Variants in MRPS35 observed in about 807,000 individuals in gnomAD.
MRPS35 encodes small ribosomal subunit protein mS35.
MRPS35 carries 29 observed loss-of-function variants against 32.7 expected under a neutral mutation model. The ratio of observed to expected loss-of-function variants is 0.89; its 90% CI spans 0.66 to 1.21. The LOEUF (loss-of-function observed/expected upper bound fraction) is 1.21, where lower values mean the gene tolerates loss of function less well. MRPS35 is among the 50% of genes most tolerant of loss of function. The pLI is 0.00. For synonymous variants in MRPS35, 148 were observed against 139.3 expected (o/e 1.06, Z -0.44); for missense variants, 373 against 383.8 (o/e 0.97, Z 0.23).
intron 1 of MRPS35, 106 bp downstream of exon 1, chr12:27,711,061 G>A: frequency 9.9e-7 from 1 of 1,007,052 alleles, no homozygotes; most frequent in East Asian, 2.6e-5. Flanking sequence ...CCCGGGGGAG[G>A]CCAGTGCGTC....
chr12:27,733,105 C>G (rs969907381), intron 5 of MRPS35, among the ~76,000 whole-genome samples: 3 of 148,340 alleles, frequency 2.0e-5, no homozygotes, highest in African/African-American at 7.5e-5. Flanking sequence ...AGTATTATAT[C>G]GATTCTTTGA....
intron 5 of MRPS35, among the ~76,000 whole-genome samples, chr12:27,724,670 G>C (rs2061892491): frequency 6.6e-6 from 1 of 152,012 alleles, no homozygotes. Flanking sequence ...TTGAACCCGG[G>C]AGGCAGAGGT....
At chr12:27,738,872 C>T (rs189528789) in intron 7 of MRPS35, among the ~76,000 whole-genome samples, 100 of 149,396 alleles carry the variant, frequency 6.7e-4, no homozygotes, top group Admixed American at 1.5e-3. Flanking sequence ...AACAAGGTAG[C>T]GACAATAGTA....
intron 7 of MRPS35, among the ~76,000 whole-genome samples, chr12:27,751,189 G>A (rs140541433): frequency 6.6e-6 from 1 of 151,976 alleles, no homozygotes; most frequent in African/African-American, 2.4e-5. Context: ...TGCAACTGAG[G>A]CTGAACACTG....
chr12:27,726,630 GCTTT>G (rs1211411690), intron 5 of MRPS35, among the ~76,000 whole-genome samples: 1 of 152,048 alleles, frequency 6.6e-6, no homozygotes, highest in Non-Finnish European at 1.5e-5. Context: ...CAAGTTTGAG[GCTTT>G]CTATTTCTCC....
At chr12:27,737,445 A>T (rs2061946763) in intron 6 of MRPS35, 94 bp from the exon 7 acceptor site, 3 of 815,686 alleles carry the variant, frequency 3.7e-6, no homozygotes, top group South Asian at 1.5e-5. Context: ...ACCTGAAAAC[A>T]TTATCTTCTG....
At chr12:27,713,587 G>C (rs1359505118) in intron 1 of MRPS35, among the ~76,000 whole-genome samples, 1 of 152,050 alleles carries the variant, frequency 6.6e-6, no homozygotes, top group Non-Finnish European at 1.5e-5. Flanking sequence ...GAGAGAGAGA[G>C]AATATATTCT....
intron 7 of MRPS35, among the ~76,000 whole-genome samples, chr12:27,747,864 C>T (rs1269996908): frequency 6.6e-6 from 1 of 152,040 alleles, no homozygotes; most frequent in Non-Finnish European, 1.5e-5. Context: ...TTTGTTACTC[C>T]TTTTATCATG....
intron 7 of MRPS35, among the ~76,000 whole-genome samples, chr12:27,748,438 G>GGTGT (rs35760106): frequency 0.095 from 13,803 of 145,872 alleles, 829 homozygotes; most frequent in East Asian, 0.22. Flanking sequence ...AAAGAAAAGT[G>GGTGT]GTGTGTGTGT....
chr12:27,754,676 A>G (rs1252136410), intron 7 of MRPS35, among the ~76,000 whole-genome samples: 2 of 149,692 alleles, frequency 1.3e-5, no homozygotes, highest in African/African-American at 2.5e-5. Context: ...CTGAGGTGGG[A>G]GAATCACCTG....
At chr12:27,755,038 C>A in intron 7 of MRPS35, 143 bp from the exon 8 acceptor site, 1 of 900,096 alleles carries the variant, frequency 1.1e-6, no homozygotes, top group Non-Finnish European at 1.6e-6. Context: ...AAGGTGTTGG[C>A]CAGGGCCTCT....
chr12:27,737,240 A>G (rs1012988963), intron 6 of MRPS35, among the ~76,000 whole-genome samples: 2 of 152,222 alleles, frequency 1.3e-5, no homozygotes, highest in Non-Finnish European at 2.9e-5. Flanking sequence ...GAGATGGTGA[A>G]GGGAACTTAT....
chr12:27,743,985 A>G (rs951391052), intron 7 of MRPS35, among the ~76,000 whole-genome samples: 1 of 152,210 alleles, frequency 6.6e-6, no homozygotes, highest in East Asian at 1.9e-4. Context: ...CACGGGTTCT[A>G]TAATTTACCA....
chr12:27,737,131 C>T (rs1361657195), intron 6 of MRPS35, among the ~76,000 whole-genome samples: 1 of 152,230 alleles, frequency 6.6e-6, no homozygotes, highest in Non-Finnish European at 1.5e-5. Flanking sequence ...CCACCTCACC[C>T]TCCGGGATTA....
At chr12:27,729,362 A>C (rs753639837) in intron 5 of MRPS35, among the ~76,000 whole-genome samples, 1 of 152,098 alleles carries the variant, frequency 6.6e-6, no homozygotes, top group Non-Finnish European at 1.5e-5. Context: ...TCTTTCGGAA[A>C]TTTCTCAAGA....
intron 7 of MRPS35, among the ~76,000 whole-genome samples, chr12:27,751,054 G>C (rs1390797726): frequency 8.6e-6 from 1 of 115,872 alleles, no homozygotes; most frequent in African/African-American, 3.4e-5. Flanking sequence ...AGTGAGACGA[G>C]ATCATGGCAC....
chr12:27,751,346 C>G (rs1023331418), intron 7 of MRPS35, among the ~76,000 whole-genome samples: 1 of 151,942 alleles, frequency 6.6e-6, no homozygotes, highest in African/African-American at 2.4e-5. Flanking sequence ...TGTCAGATCC[C>G]GGGGTCTGGG....
intron 7 of MRPS35, among the ~76,000 whole-genome samples, chr12:27,738,714 AG>A (rs2061951952): frequency 6.6e-6 from 1 of 152,200 alleles, no homozygotes; most frequent in South Asian, 2.1e-4. Context: ...TAGCTGGAGA[AG>A]GGGGTCATGT....
chr12:27,728,819 T>C (rs1277694219), intron 5 of MRPS35, among the ~76,000 whole-genome samples: 1 of 152,180 alleles, frequency 6.6e-6, no homozygotes, highest in Non-Finnish European at 1.5e-5. Flanking sequence ...ATTTACCTTA[T>C]TTCTTTATCT....
Sources: gnomAD v4.1 joint callset for allele counts (sites outside exome capture counted in the v4.1 genomes callset) on GRCh38, gnomAD v4.1.1 for gene constraint, MANE v1.5 for transcripts, NCBI Gene and HGNC (gene_info 2026-07-23, HGNC 2026-07-21) for gene names.